The following DLG2 variants were observed in gnomAD, a reference collection of about 807,000 sequenced individuals.
DLG2 encodes disks large homolog 2.
In DLG2, 45 loss-of-function variants were observed where a neutral mutation model predicts 132.5. That is an observed-to-expected ratio of 0.34 (90% CI 0.27 to 0.44). The LOEUF is 0.44. Ranked by LOEUF, DLG2 falls within the 20% of genes least tolerant of loss-of-function variation. The pLI is 1.00. For missense variants in DLG2, 1,045 were observed against 1,196.9 expected (o/e 0.87, Z 1.87); for synonymous variants, 424 against 419.6 (o/e 1.01, Z -0.13).
At chr11:84,222,728 T>G (rs568815797) in intron 8 of DLG2, among the ~76,000 whole-genome samples, 1 of 152,228 alleles carries the variant, frequency 6.6e-6, no homozygotes, top group Admixed American at 6.5e-5. Flanking sequence ...CTTACCCCAC[T>G]CTCATCAATT....
At chr11:83,613,249 T>A (rs78994796) in intron 19 of DLG2, among the ~76,000 whole-genome samples, 2,155 of 152,176 alleles carry the variant, frequency 0.014, 20 homozygotes, top group Non-Finnish European at 0.024. Context: ...GAACCAGAAA[T>A]GAGGATTGGG....
chr11:83,739,530 G>A (rs893599410), intron 18 of DLG2, among the ~76,000 whole-genome samples: 10 of 151,984 alleles, frequency 6.6e-5, no homozygotes, highest in Non-Finnish European at 1.0e-4. Context: ...AAAAATGACC[G>A]AGAGATTTGA....
chr11:85,414,797 C>G (rs2089670255), intron 3 of DLG2, among the ~76,000 whole-genome samples: 2 of 151,888 alleles, frequency 1.3e-5, no homozygotes, highest in African/African-American at 4.8e-5. Context: ...GTGCATATAT[C>G]TTTATGATTG....
chr11:85,524,111 T>A (rs1266525672), intron 3 of DLG2, among the ~76,000 whole-genome samples: 1 of 151,852 alleles, frequency 6.6e-6, no homozygotes, highest in East Asian at 1.9e-4. Flanking sequence ...TTGGGAGGGA[T>A]TAAAGTAGGG....
At chr11:84,179,271 T>C (rs2096057662) in intron 8 of DLG2, among the ~76,000 whole-genome samples, 1 of 152,218 alleles carries the variant, frequency 6.6e-6, no homozygotes. Context: ...AAGTTGCCAT[T>C]CTGTTCTAAC....
chr11:85,451,832 GC>G (rs2092257562), intron 3 of DLG2, among the ~76,000 whole-genome samples: 1 of 152,074 alleles, frequency 6.6e-6, no homozygotes, highest in African/African-American at 2.4e-5. Flanking sequence ...TTACAGGTGA[GC>G]CAGCATGCCC....
chr11:84,476,056 AAT>A (rs1227094738), intron 7 of DLG2, among the ~76,000 whole-genome samples: 2 of 152,138 alleles, frequency 1.3e-5, no homozygotes, highest in African/African-American at 2.4e-5. Context: ...CTGTACTTCA[AAT>A]AACAAGAAAT....
intron 6 of DLG2, among the ~76,000 whole-genome samples, chr11:84,788,470 T>G (rs762151226): frequency 6.6e-6 from 1 of 152,148 alleles, no homozygotes; most frequent in Admixed American, 6.5e-5. Flanking sequence ...CCTGTGGTCC[T>G]GAGTCATTCT....
intron 10 of DLG2, among the ~76,000 whole-genome samples, chr11:84,065,657 G>T (rs2096659681): frequency 2.0e-5 from 3 of 151,984 alleles, no homozygotes; most frequent in Non-Finnish European, 4.4e-5. Context: ...AGGAGTTTGG[G>T]GATTTCTCAA....
intron 15 of DLG2, among the ~76,000 whole-genome samples, chr11:83,919,252 T>G (rs2077441903): frequency 6.6e-6 from 1 of 152,138 alleles, no homozygotes; most frequent in African/African-American, 2.4e-5. Context: ...TAGCTTAGGG[T>G]CTACAGGTAC....
At position 85,574,669 on chromosome 11, in the gene DLG2, G is replaced by A. The variant is rs528655293; in HGVS notation, c.40+23988C>T. On this transcript the variant is annotated intron_variant, in intron 3 of 27. Coordinates refer to ENST00000376104, the MANE Select transcript of DLG2 (RefSeq NM_001142699.3). ...TAATGAGTTACTGCAAGATCTGATT[G>A]TTAAAAAGAGTCTGGGACCCACCCC... 2.0e-5 allele frequency among the ~76,000 whole-genome samples: 3 copies of A among 152,150 alleles called. No individual in the cohort carries two copies. The South Asian group carries it at 6.2e-4, about 32-fold the overall frequency.
intron 6 of DLG2, among the ~76,000 whole-genome samples, chr11:84,859,682 T>C (rs998133627): frequency 6.6e-6 from 1 of 151,910 alleles, no homozygotes; most frequent in African/African-American, 2.4e-5. Flanking sequence ...TTTCCTTTTA[T>C]CTTTCCATTC....
intron 6 of DLG2, among the ~76,000 whole-genome samples, chr11:84,564,817 C>T (rs2154526766): frequency 1.3e-5 from 2 of 152,220 alleles, no homozygotes; most frequent in Middle Eastern, 6.9e-3. Context: ...ACTACAGTTA[C>T]CAAAGAAGTT....
chr11:84,964,925 A>T (rs1331896363), intron 6 of DLG2, among the ~76,000 whole-genome samples: 1 of 152,142 alleles, frequency 6.6e-6, no homozygotes, highest in Non-Finnish European at 1.5e-5. Context: ...ACATATACGA[A>T]GTGTGATTAA....
chr11:84,278,512 C>G (rs2097811190), intron 7 of DLG2, among the ~76,000 whole-genome samples: 1 of 151,748 alleles, frequency 6.6e-6, no homozygotes, highest in Non-Finnish European at 1.5e-5. Flanking sequence ...AATCCCAAAC[C>G]AGATGAAGAT....
At chr11:84,112,309 C>T (rs191968202) in intron 9 of DLG2, among the ~76,000 whole-genome samples, 42 of 128,326 alleles carry the variant, frequency 3.3e-4, no homozygotes, top group South Asian at 7.8e-4. Flanking sequence ...TTTTTTTTTT[C>T]TTTTTACTTT....
intron 8 of DLG2, among the ~76,000 whole-genome samples, chr11:84,209,372 G>A (rs4944471): frequency 0.76 from 115,256 of 152,126 alleles, 45,916 homozygotes; most frequent in Middle Eastern, 0.92. Context: ...CATGACAAAT[G>A]AATGCAATGC....
intron 6 of DLG2, among the ~76,000 whole-genome samples, chr11:84,694,354 A>G (rs1180466253): frequency 1.3e-5 from 2 of 151,702 alleles, no homozygotes; most frequent in Admixed American, 6.6e-5. Context: ...CAGTTTTACA[A>G]TCTTAGTAAT....
intron 6 of DLG2, among the ~76,000 whole-genome samples, chr11:84,882,081 G>C (rs2087441331): frequency 6.6e-6 from 1 of 152,010 alleles, no homozygotes; most frequent in African/African-American, 2.4e-5. Flanking sequence ...GATTCTAAAG[G>C]AATTATTTTA....
Sources: allele counts gnomAD v4.1 joint callset (sites outside exome capture counted in the v4.1 genomes callset), GRCh38; gene constraint gnomAD v4.1.1; transcripts MANE v1.5; gene names NCBI Gene and HGNC (gene_info 2026-07-23, HGNC 2026-07-21).